OR2T33: variants seen among roughly 807,000 people sequenced by gnomAD.
OR2T33 encodes olfactory receptor family 2 subfamily T member 33, also known as olfactory receptor 2T33.
OR2T33 carries 10 observed loss-of-function variants against 14.0 expected under a neutral mutation model. The observed-to-expected ratio is 0.72, with a 90% confidence interval of 0.44 to 1.22. The LOEUF is 1.22. Ranked by LOEUF, OR2T33 falls within the 50% of genes most tolerant of loss-of-function variation. OR2T33 has a pLI of 0.00. For missense variants in OR2T33, 276 were observed against 405.9 expected (o/e 0.68, Z 2.75); for synonymous variants, 103 against 159.4 (o/e 0.65, Z 2.66).
chr1:248,276,391 T>C (rs1381092562), intron 1 of OR2T33, among the ~76,000 whole-genome samples: 2 of 152,136 alleles, frequency 1.3e-5, no homozygotes, highest in East Asian at 1.9e-4. Context: ...TAATTTTTAA[T>C]TTAATTTATT....
rs142450875 is a variant in OR2T33, at chr1:248,272,943, T to C, written c.872A>G (p.Lys291Arg). Residue 291 changes from lysine to arginine, a missense_variant, in exon 2 of 2, where the codon AAG becomes AGG. Transcript: ENST00000641220. ...CAGGGCTCCCTTCACCTCACTGTTC[T>C]TCACACTGTAGATGAGGGGGTTTAG... is the stretch of plus-strand genomic sequence containing the variant. ...PLLNPLIYSV[K>R]NSEVKGALKR... 8.7e-5 allele frequency: 141 copies of C among 1,613,672 alleles called. No homozygotes were observed. Among genetic ancestry groups the C allele is most frequent in the Non-Finnish European group, 1.1e-4 (126 of 1,179,666 alleles).
At position 248,273,271 on chromosome 1, in the gene OR2T33, G is replaced by C. The variant is rs143135003; in HGVS notation, c.544C>G (p.Leu182Val). The C allele has an allele frequency of 6.2e-7, 1 of 1,601,586 alleles. No individual in the cohort carries two copies. Among genetic ancestry groups the C allele is most frequent in the Admixed American group, 1.7e-5 (1 of 59,524 alleles). Residue 182 changes from leucine (L) to valine (V), a missense_variant, in exon 2 of 2, where the codon CTG becomes GTG. Physicochemically the swap from Leu to Val is conservative, Grantham distance 32. Transcript: ENST00000641220. The part of the protein sequence containing the change: ...IDHFFCETPV[L>V]VRLACADTSV... ...GTGTCAGCACAAGCCAAACGCACCA[G>C]CACGGGGGTCTCGCAGAAGAAGTGA...
intron 1 of OR2T33, among the ~76,000 whole-genome samples, chr1:248,275,453 C>G (rs1309830533): frequency 1.3e-5 from 2 of 152,154 alleles, no homozygotes; most frequent in African/African-American, 4.8e-5. Flanking sequence ...TTTAAAGTAT[C>G]TTTCTCATGT....
At chr1:248,276,940 A>G (rs1659454079) in intron 1 of OR2T33, among the ~76,000 whole-genome samples, 1 of 151,964 alleles carries the variant, frequency 6.6e-6, no homozygotes, top group Non-Finnish European at 1.5e-5. Context: ...TGGACCATTA[A>G]TCCATCAACT....
At position 248,271,268 on chromosome 1, in the gene OR2T33, C is replaced by T. The variant is rs1471187558; in HGVS notation, c.*1584G>A. The T allele has an allele frequency of 6.6e-6, 1 of 152,062 alleles. No individual in the cohort carries two copies. The highest frequency in any genetic ancestry group is 1.5e-5 in the Non-Finnish European group (1 of 68,014). 9.4% of individuals were successfully genotyped at this position (152,062 alleles called of 1,614,324 possible). A position where few individuals can be genotyped will look rare whatever the true frequency, so the allele number is the denominator to read the frequency against. ...ATAATTTCTCTGATGGTGAATGAAC[C>T]TGGTATGAGTAATGAAATTTCCATG... On this transcript the variant is annotated 3_prime_UTR_variant, in exon 2 of 2. Transcript: ENST00000641220.
chr1:248,275,078 C>T (rs1317246006), intron 1 of OR2T33, among the ~76,000 whole-genome samples: 1 of 152,192 alleles, frequency 6.6e-6, no homozygotes, highest in Non-Finnish European at 1.5e-5. Context: ...GAGCTAATTT[C>T]CCACTTTTAT....
intron 1 of OR2T33, among the ~76,000 whole-genome samples, chr1:248,276,052 GT>G (rs1659443359): frequency 6.6e-6 from 1 of 152,178 alleles, no homozygotes; most frequent in African/African-American, 2.4e-5. Context: ...AGAGGGGATG[GT>G]TTCGGGATGA....
In OR2T33 at chr1:248,273,772, GT is replaced by G; in HGVS notation, c.42del (p.Leu15SerfsTer13). 2 of 1,613,314 alleles carry G rather than the reference GT, an allele frequency of 1.2e-6. No individual in the cohort carries two copies. The highest frequency in any genetic ancestry group is 1.7e-6 in the Non-Finnish European group (2 of 1,179,360). ...TGGTGGGCTCTGGTGTGGTTAAAGAGTCCTAGGAGAATAAAATCTGGGGTAG... is the reference window on the plus strand; with the variant it reads ...TGGTGGGCTCTGGTGTGGTTAAAGAGCCTAGGAGAATAAAATCTGGGGTAG... ...RNTTPDFILL[G>X]LFNHTRAHQV... On this transcript the variant is annotated frameshift_variant, in exon 2 of 2. Transcript: ENST00000641220. LOFTEE classifies it high-confidence loss of function.
intron 1 of OR2T33, 143 bp from the exon 2 acceptor site, chr1:248,273,965 T>C: frequency 1.7e-6 from 2 of 1,170,254 alleles, no homozygotes; most frequent in Non-Finnish European, 2.4e-6. Context: ...CCAGTGAGCA[T>C]GGCTTTTCCT....
At chr1:248,276,418 T>C (rs780221385) in intron 1 of OR2T33, among the ~76,000 whole-genome samples, 4 of 152,220 alleles carry the variant, frequency 2.6e-5, no homozygotes, top group Non-Finnish European at 4.4e-5. Context: ...GTTCATTTTA[T>C]GGTGCCATAT....
Position 248,272,796 on chromosome 1 carries a change from T to C in OR2T33, c.*56A>G, listed in dbSNP as rs1483241716. ...TGCATGAATTGCTAAAGGGAGAGAA[T>C]AACAATGTGTTAAAATATTAATAAA... is the stretch of plus-strand genomic sequence containing the variant. On this transcript the variant is annotated 3_prime_UTR_variant, in exon 2 of 2. Coordinates refer to ENST00000641220, the MANE Select transcript of OR2T33 (RefSeq NM_001004695.2). The C allele has an allele frequency of 6.5e-7, 1 of 1,539,998 alleles. No individual in the cohort carries two copies. Among genetic ancestry groups the C allele is most frequent in the East Asian group, 2.3e-5 (1 of 44,354 alleles).
rs1299928342 is a variant in OR2T33, at chr1:248,272,582, T to G, written c.*270A>C. On this transcript the variant is annotated 3_prime_UTR_variant, in exon 2 of 2. Transcript: ENST00000641220. The stretch of plus-strand genomic sequence containing the variant: ...ACCTTTCCATGCATTAATTTCTTTT[T>G]TTAGAAAGTAGGAGATATTGTCAAC... The G allele has an allele frequency of 3.3e-5, 12 of 366,172 alleles. No individual in the cohort carries two copies. The highest frequency in any genetic ancestry group is 5.8e-5 in the Non-Finnish European group (12 of 207,226). 22.7% of individuals were successfully genotyped at this position (366,172 alleles called of 1,614,324 possible). A position where few individuals can be genotyped will look rare whatever the true frequency, so the allele number is the denominator to read the frequency against.
Position 248,272,236 on chromosome 1 carries a change from G to C in OR2T33, c.*616C>G. The C allele has an allele frequency of 6.6e-6, 1 of 152,030 alleles. No homozygotes were observed. Among genetic ancestry groups the C allele is most frequent in the East Asian group, 1.9e-4 (1 of 5,184 alleles). 9.4% of individuals were successfully genotyped at this position (152,030 alleles called of 1,614,324 possible). ...TGGAAAAAAAAATACTTAAATGAAA[G>C]GTTACATAAATTAAAAAAGGCTTAC... On this transcript the variant is annotated 3_prime_UTR_variant, in exon 2 of 2. Coordinates refer to ENST00000641220, the MANE Select transcript of OR2T33 (RefSeq NM_001004695.2).
chr1:248,277,042 C>G (rs1659455058), intron 1 of OR2T33, among the ~76,000 whole-genome samples: 1 of 151,070 alleles, frequency 6.6e-6, no homozygotes, highest in South Asian at 2.1e-4. Context: ...GTTATTAATT[C>G]TAAGCTATTA....
rs1319127362 is a variant in OR2T33 at position 248,271,162 on chromosome 1, C to A, written c.*1690G>T. On this transcript the variant is annotated 3_prime_UTR_variant, in exon 2 of 2. Coordinates refer to ENST00000641220, the MANE Select transcript of OR2T33 (RefSeq NM_001004695.2). ...TTTTAGTTTTCTCCTGTATATTAGG[C>A]TTAATTTTCTGGTTAGAATATTTTA... is the stretch of plus-strand genomic sequence containing the variant. 1 of 152,202 alleles carries A rather than the reference C, an allele frequency of 6.6e-6. No homozygotes were observed. Among genetic ancestry groups the A allele is most frequent in the South Asian group, 2.1e-4 (1 of 4,824 alleles). The allele number at this position is 152,202 out of a possible 1,614,324, so 9.4% of individuals were successfully genotyped here.
At position 248,270,461 on chromosome 1, in the gene OR2T33, C is replaced by T. The variant is rs961413653; in HGVS notation, c.*2391G>A. 2 of 152,110 alleles carry T rather than the reference C, an allele frequency of 1.3e-5. No homozygotes were observed. The highest frequency in any genetic ancestry group is 4.8e-5 in the African/African-American group (2 of 41,410). The allele number at this position is 152,110 out of a possible 1,614,324, so 9.4% of individuals were successfully genotyped here. Reference sequence around the variant, plus strand: ...AGAAGCCAGACATAAAAGCTCATATCTTTTATGATTCCGTTTACATAAAAT... The same window carrying T: ...AGAAGCCAGACATAAAAGCTCATATTTTTTATGATTCCGTTTACATAAAAT... On this transcript the variant is annotated 3_prime_UTR_variant, in exon 2 of 2. Coordinates refer to ENST00000641220, the MANE Select transcript of OR2T33 (RefSeq NM_001004695.2).
At chr1:248,274,740 G>T (rs1659429132) in intron 1 of OR2T33, among the ~76,000 whole-genome samples, 1 of 152,174 alleles carries the variant, frequency 6.6e-6, no homozygotes, top group Non-Finnish European at 1.5e-5. Flanking sequence ...GCTTAAAAAT[G>T]GTTGAGTGTT....
Position 248,273,449 on chromosome 1 carries a change from C to G in OR2T33, c.366G>C (p.Ala122=). 6.2e-7 allele frequency: 1 copy of G among 1,612,652 alleles called. No homozygotes were observed. The highest frequency in any genetic ancestry group is 1.1e-5 in the South Asian group (1 of 91,004). The change falls in exon 2 of 2, where the codon GCG becomes GCC. Residue 122 remains alanine, a synonymous_variant. Coordinates refer to ENST00000641220, the MANE Select transcript of OR2T33 (RefSeq NM_001004695.2). ...GATATCGGAGTGGGTGGCAGACAGC[C>G]GCATAGCGGTCATAGGCCATGGCTG... The part of the protein sequence containing the change: ...LLAAMAYDRY[A]AVCHPLRYPT...
Position 248,270,901 on chromosome 1 carries a change from T to C in OR2T33, c.*1951A>G, listed in dbSNP as rs1323925622. The C allele has an allele frequency of 2.6e-5, 4 of 152,080 alleles. No homozygotes were observed. The highest frequency in any genetic ancestry group is 5.9e-5 in the Non-Finnish European group (4 of 68,018). The allele number at this position is 152,080 out of a possible 1,614,324, so 9.4% of individuals were successfully genotyped here. The stretch of plus-strand genomic sequence containing the variant: ...ATAGTACAGATGTTTGACAAAATAC[T>C]TTTGTCCAGAATAAATAAAAAATTT... On this transcript the variant is annotated 3_prime_UTR_variant, in exon 2 of 2. Coordinates refer to ENST00000641220, the MANE Select transcript of OR2T33 (RefSeq NM_001004695.2).
Sources: allele counts gnomAD v4.1 joint callset (sites outside exome capture counted in the v4.1 genomes callset), GRCh38; gene constraint gnomAD v4.1.1; transcripts MANE v1.5; gene names NCBI Gene and HGNC (gene_info 2026-07-23, HGNC 2026-07-21).